Variants in CACNA2D3 observed in about 807,000 individuals in gnomAD.
CACNA2D3 encodes the protein voltage-dependent calcium channel subunit alpha-2/delta-3.
CACNA2D3 carries 60 observed loss-of-function variants against 160.6 expected under a neutral mutation model. The observed-to-expected ratio is 0.37, with a 90% CI of 0.30 to 0.46. The LOEUF is 0.46. Among genes scored for constraint, CACNA2D3 ranks in the 20% least tolerant of loss-of-function variants. CACNA2D3 has a pLI of 1.00. For missense variants in CACNA2D3, 1,205 were observed against 1,365.0 expected, an observed-to-expected ratio of 0.88 and a Z score of 1.85; for synonymous variants, 558 against 492.9, an observed-to-expected ratio of 1.13 and a Z score of -1.75.
At chr3:54,174,899 T>C (rs1160419393) in intron 2 of CACNA2D3, among the ~76,000 whole-genome samples, 1 of 152,150 alleles carries the variant, frequency 6.6e-6, no homozygotes, top group Non-Finnish European at 1.5e-5. Context: ...AGTGGCAGTG[T>C]TGGTGGAGGC....
chr3:54,440,593 G>C (rs1350452628), intron 4 of CACNA2D3, among the ~76,000 whole-genome samples: 3 of 151,846 alleles, frequency 2.0e-5, no homozygotes, highest in African/African-American at 7.3e-5. Context: ...CCATTAACTC[G>C]TCATTTAACA....
chr3:55,032,022 C>T (rs1341730389), intron 35 of CACNA2D3, among the ~76,000 whole-genome samples: 1 of 152,150 alleles, frequency 6.6e-6, no homozygotes, highest in African/African-American at 2.4e-5. Context: ...TATGAGAATT[C>T]ATATATGATT....
intron 9 of CACNA2D3, among the ~76,000 whole-genome samples, chr3:54,599,437 A>G (rs985361925): frequency 1.3e-5 from 2 of 152,336 alleles, no homozygotes; most frequent in African/African-American, 4.8e-5. Context: ...AGATGTTGCT[A>G]TGGTCAGGCC....
intron 13 of CACNA2D3, among the ~76,000 whole-genome samples, chr3:54,788,198 C>T (rs1702677984): frequency 6.6e-6 from 1 of 152,132 alleles, no homozygotes; most frequent in Admixed American, 6.5e-5. Context: ...TACTGTGGGT[C>T]ATAAGGGTTT....
rs575121201 is a variant in CACNA2D3, at chr3:54,238,406, C to A, written c.205-82036C>A. Among the ~76,000 whole-genome samples the A allele has an allele frequency of 6.6e-5, 10 of 152,310 alleles. No homozygotes were observed. In the South Asian group the frequency reaches 2.1e-3, roughly 32 times the overall value. On this transcript the variant is annotated intron_variant, in intron 2 of 37. Coordinates refer to ENST00000474759, the MANE Select transcript of CACNA2D3 (RefSeq NM_018398.3). ...CCTCAGTGATTGTGCAAAAAAACAT[C>A]CAATTTGGCTCCTATAATTGCTTTT... is the stretch of plus-strand genomic sequence containing the variant.
At chr3:55,024,239 G>A (rs1033895716) in intron 35 of CACNA2D3, among the ~76,000 whole-genome samples, 1 of 150,496 alleles carries the variant, frequency 6.6e-6, no homozygotes. Context: ...TGGGTGATTT[G>A]GGGGATTATA....
intron 2 of CACNA2D3, among the ~76,000 whole-genome samples, chr3:54,145,485 C>T (rs1700009776): frequency 6.6e-6 from 1 of 152,186 alleles, no homozygotes; most frequent in African/African-American, 2.4e-5. Context: ...GTGTCCCTCT[C>T]AGCCATTTAA....
At chr3:54,792,561 C>T (rs1030459604) in intron 13 of CACNA2D3, among the ~76,000 whole-genome samples, 4 of 152,074 alleles carry the variant, frequency 2.6e-5, no homozygotes, top group Non-Finnish European at 5.9e-5. Flanking sequence ...TCTCTTGGCT[C>T]TGTTTTCCTC....
intron 13 of CACNA2D3, among the ~76,000 whole-genome samples, chr3:54,806,881 G>C (rs1018391328): frequency 1.3e-5 from 2 of 152,084 alleles, no homozygotes; most frequent in African/African-American, 2.4e-5. Flanking sequence ...ACAGAACAGA[G>C]CCCTCAGAAA....
intron 2 of CACNA2D3, among the ~76,000 whole-genome samples, chr3:54,162,131 G>A (rs569225853): frequency 6.6e-6 from 1 of 152,210 alleles, no homozygotes; most frequent in African/African-American, 2.4e-5. Context: ...TATTTATTGA[G>A]TGCCTGCTTT....
intron 2 of CACNA2D3, among the ~76,000 whole-genome samples, chr3:54,149,883 G>GTCTCTCTCTCTCTCTCTCTC (rs554851240): frequency 1.6e-5 from 1 of 60,768 alleles, no homozygotes; most frequent in Admixed American, 1.9e-4. Context: ...TGAAGTATCT[G>GTCTCTCTCTCTCTCTCTCTC]TCTCTCTCTC....
intron 35 of CACNA2D3, among the ~76,000 whole-genome samples, chr3:55,026,334 A>T (rs914353022): frequency 1.3e-5 from 2 of 152,242 alleles, no homozygotes; most frequent in African/African-American, 4.8e-5. Flanking sequence ...AAGATAGCTC[A>T]GGACTTGAGT....
At chr3:55,072,601 G>A (rs983518659) in intron 35 of CACNA2D3, among the ~76,000 whole-genome samples, 8 of 152,202 alleles carry the variant, frequency 5.3e-5, no homozygotes, top group Non-Finnish European at 1.2e-4. Context: ...AATATTATGC[G>A]ATAGGGGTTC....
chr3:54,601,716 G>T (rs907204358), intron 9 of CACNA2D3, among the ~76,000 whole-genome samples: 1 of 151,746 alleles, frequency 6.6e-6, no homozygotes, highest in Non-Finnish European at 1.5e-5. Flanking sequence ...TAGCAATTCT[G>T]CTTGGATTTG....
chr3:54,795,682 T>A (rs1432334970), intron 13 of CACNA2D3, among the ~76,000 whole-genome samples: 1 of 152,166 alleles, frequency 6.6e-6, no homozygotes, highest in Non-Finnish European at 1.5e-5. Context: ...GCATTTGGAT[T>A]TCTCTAGTTT....
At chr3:54,764,636 A>C (rs1347846356) in intron 13 of CACNA2D3, among the ~76,000 whole-genome samples, 1 of 152,160 alleles carries the variant, frequency 6.6e-6, no homozygotes, top group Non-Finnish European at 1.5e-5. Context: ...ACATGTGTTC[A>C]AATTCTGTCA....
chr3:55,066,075 T>A (rs1262805350), intron 35 of CACNA2D3, among the ~76,000 whole-genome samples: 2 of 152,194 alleles, frequency 1.3e-5, no homozygotes, highest in Non-Finnish European at 2.9e-5. Context: ...ATGTTTGCTC[T>A]CAACTTATGG....
At chr3:54,762,167 C>T (rs1415815183) in intron 12 of CACNA2D3, among the ~76,000 whole-genome samples, 1 of 152,152 alleles carries the variant, frequency 6.6e-6, no homozygotes, top group Non-Finnish European at 1.5e-5. Context: ...AACTCTTTCC[C>T]AAGTTCTGTG....
intron 34 of CACNA2D3, among the ~76,000 whole-genome samples, chr3:55,014,939 C>A (rs561575829): frequency 1.2e-4 from 19 of 152,322 alleles, no homozygotes; most frequent in African/African-American, 4.6e-4. Context: ...AAAAGCACAT[C>A]AAGCAATTTC....
Sources: gnomAD v4.1 joint callset for allele counts (sites outside exome capture counted in the v4.1 genomes callset) on GRCh38, gnomAD v4.1.1 for gene constraint, MANE v1.5 for transcripts, NCBI Gene and HGNC (gene_info 2026-07-23, HGNC 2026-07-21) for gene names.